The following DTNB variants were observed in gnomAD, a reference collection of about 807,000 sequenced individuals.
DTNB encodes the protein dystrobrevin beta, also known as DTN-B.
In DTNB, 63 loss-of-function variants were observed where a neutral mutation model predicts 90.7. That is an observed-to-expected ratio of 0.69 (90% confidence interval 0.57 to 0.86). DTNB has a LOEUF of 0.86. Ranked by LOEUF, DTNB falls within the 40% of genes least tolerant of loss-of-function variation. The pLI is 0.00. For missense variants in DTNB, 744 were observed against 807.1 expected, an observed-to-expected ratio of 0.92 and a Z score of 0.95; for synonymous variants, 277 against 286.7, an observed-to-expected ratio of 0.97 and a Z score of 0.34.
intron 12 of DTNB, 135 bp downstream of exon 12, chr2:25,451,413 C>G: frequency 2.2e-6 from 2 of 902,038 alleles, no homozygotes; most frequent in Non-Finnish European, 1.6e-6. Flanking sequence ...TCCTTCTACT[C>G]TTAGCATGTG....
At position 25,556,161 on chromosome 2, in the gene DTNB, G is replaced by A. The variant is rs921027180; in HGVS notation, c.876+20677C>T. Among the ~76,000 whole-genome samples, 262 of 139,786 alleles carry A rather than the reference G, an allele frequency of 1.9e-3. 2 individuals carry two copies. The highest frequency in any genetic ancestry group is 2.9e-3 in the Admixed American group (41 of 14,014). 91.7% of individuals were successfully genotyped at this position (139,786 alleles called of 152,430 possible). On this transcript the variant is annotated intron_variant, in intron 8 of 20. Transcript: ENST00000406818. ...TACTAATGGATGTTTTGGTGTTTTG[G>A]CCATCTCTCTTTTTTTTTTTTTTTT...
chr2:25,559,824 A>AAG (rs1457627240), intron 8 of DTNB, among the ~76,000 whole-genome samples: 1 of 152,222 alleles, frequency 6.6e-6, no homozygotes, highest in African/African-American at 2.4e-5. Flanking sequence ...CACAGAGGAG[A>AAG]AGAGACAGAT....
chr2:25,525,900 T>C (rs551849022), intron 9 of DTNB, among the ~76,000 whole-genome samples: 11 of 152,000 alleles, frequency 7.2e-5, no homozygotes, highest in African/African-American at 2.2e-4. Context: ...GAGGACTGGT[T>C]GAAAGAATGG....
At chr2:25,405,260 G>A (rs2044800889) in intron 16 of DTNB, among the ~76,000 whole-genome samples, 1 of 152,142 alleles carries the variant, frequency 6.6e-6, no homozygotes, top group Admixed American at 6.5e-5. Flanking sequence ...AAATGTTCTG[G>A]CGGGGTGTGG....
chr2:25,480,713 C>A lies in DTNB; in HGVS notation c.1079+2083G>T, dbSNP rs1466201949. Reference sequence around the variant, plus strand: ...ATGAGAAGAATTCAGATGGGAAATGCTACTGAATGAGATGGTATTCTTATA... The same window carrying A: ...ATGAGAAGAATTCAGATGGGAAATGATACTGAATGAGATGGTATTCTTATA... On this transcript the variant is annotated intron_variant, in intron 10 of 20. Transcript: ENST00000406818. Among the ~76,000 whole-genome samples, 4 of 152,188 alleles carry A rather than the reference C, an allele frequency of 2.6e-5. No homozygotes were observed. In the East Asian group the frequency reaches 7.7e-4, roughly 29 times the overall value.
chr2:25,522,690 C>CA (rs2076362214), intron 9 of DTNB, among the ~76,000 whole-genome samples: 1 of 149,116 alleles, frequency 6.7e-6, no homozygotes, highest in Non-Finnish European at 1.5e-5. Context: ...TACAGAAAGG[C>CA]AAACTGAGGT....
At chr2:25,459,022 G>C (rs1342485047) in intron 10 of DTNB, among the ~76,000 whole-genome samples, 1 of 151,360 alleles carries the variant, frequency 6.6e-6, no homozygotes, top group South Asian at 2.1e-4. Flanking sequence ...GTTCAGGTAT[G>C]TAATATGTCT....
Position 25,619,673 on chromosome 2 carries a change from T to A in DTNB, c.362+8498A>T, listed in dbSNP as rs560996218. On this transcript the variant is annotated intron_variant, in intron 4 of 20. Coordinates refer to ENST00000406818, the MANE Select transcript of DTNB (RefSeq NM_021907.5). ...GTAATTAAAGGCCAAAATAATAATA[T>A]AAACAAGAACTGTAAGTCATCAAAA... Among the ~76,000 whole-genome samples, 95 of 152,166 alleles carry A rather than the reference T, an allele frequency of 6.2e-4. 1 individual carries two copies. The South Asian group carries it at 0.02, about 32-fold the overall frequency.
chr2:25,596,084 A>G lies in DTNB; in HGVS notation c.603+2T>C. On this transcript the variant is annotated splice_donor_variant, in intron 6 of 20. Transcript: ENST00000406818. LOFTEE classifies it high-confidence loss of function. The stretch of plus-strand genomic sequence containing the variant: ...CCCTAGATTCTATAAAACTGTCCTT[A>G]CCTGCTGTGGAAAACAGGTGCGGAC... 6.2e-7 allele frequency: 1 copy of G among 1,601,298 alleles called. No homozygotes were observed. The highest frequency in any genetic ancestry group is 8.5e-7 in the Non-Finnish European group (1 of 1,175,758).
intron 6 of DTNB, among the ~76,000 whole-genome samples, chr2:25,581,378 CAGAAG>C (rs147815495): frequency 0.015 from 2,346 of 152,180 alleles, 57 homozygotes; most frequent in African/African-American, 0.053. Context: ...TTCTCATTGA[CAGAAG>C]AGAAAACAGA....
chr2:25,482,767 C>T (rs774689228), intron 10 of DTNB, 29 bp downstream of exon 10: 35 of 1,611,584 alleles, frequency 2.2e-5, no homozygotes, highest in Non-Finnish European at 3.0e-5. Flanking sequence ...GAGGCCAACA[C>T]CCAAGTCGAA....
At chr2:25,661,621 G>A (rs1314396286) in intron 1 of DTNB, among the ~76,000 whole-genome samples, 3 of 152,196 alleles carry the variant, frequency 2.0e-5, no homozygotes, top group Non-Finnish European at 4.4e-5. Flanking sequence ...TCTTCACCTG[G>A]GTGAAGATGA....
chr2:25,482,947 G>A, intron 9 of DTNB, 74 bp from the exon 10 acceptor site: 1 of 1,421,464 alleles, frequency 7.0e-7, no homozygotes, highest in Non-Finnish European at 9.5e-7. Flanking sequence ...GATAAGCATG[G>A]TAAGAGCAAA....
intron 16 of DTNB, among the ~76,000 whole-genome samples, chr2:25,410,906 T>C (rs1300905321): frequency 6.6e-6 from 1 of 152,084 alleles, no homozygotes; most frequent in African/African-American, 2.4e-5. Context: ...ATGTAAGTTC[T>C]TGGTAAACAA....
At chr2:25,600,202 T>A (rs1358340445) in intron 5 of DTNB, among the ~76,000 whole-genome samples, 1 of 152,218 alleles carries the variant, frequency 6.6e-6, no homozygotes, top group East Asian at 1.9e-4. Flanking sequence ...CACTGCCAGG[T>A]GCCTCAGTAT....
At chr2:25,415,504 C>T (rs933762854) in intron 16 of DTNB, among the ~76,000 whole-genome samples, 1 of 152,050 alleles carries the variant, frequency 6.6e-6, no homozygotes, top group African/African-American at 2.4e-5. Flanking sequence ...GAGTGATATG[C>T]GTGTCTTTTG....
At chr2:25,434,608 C>T (rs977787884) in intron 12 of DTNB, among the ~76,000 whole-genome samples, 1 of 151,818 alleles carries the variant, frequency 6.6e-6, no homozygotes, top group Non-Finnish European at 1.5e-5. Context: ...TCTATTGTTT[C>T]CAGCTTTTGG....
At chr2:25,409,310 G>C (rs564469796) in intron 16 of DTNB, among the ~76,000 whole-genome samples, 4 of 152,248 alleles carry the variant, frequency 2.6e-5, no homozygotes, top group Admixed American at 2.6e-4. Context: ...GACCCTTCTA[G>C]GTTTATAGCC....
intron 18 of DTNB, among the ~76,000 whole-genome samples, chr2:25,386,632 C>T (rs529602103): frequency 6.6e-6 from 1 of 152,262 alleles, no homozygotes; most frequent in African/African-American, 2.4e-5. Context: ...TTTATTTTCT[C>T]TCTCTTTCCT....
Sources: gnomAD v4.1 joint callset for allele counts (sites outside exome capture counted in the v4.1 genomes callset) on GRCh38, gnomAD v4.1.1 for gene constraint, MANE v1.5 for transcripts, NCBI Gene and HGNC (gene_info 2026-07-23, HGNC 2026-07-21) for gene names.